The following INPP5J variants were observed in gnomAD, a reference collection of about 807,000 sequenced individuals.
INPP5J encodes phosphatidylinositol 4,5-bisphosphate 5-phosphatase A.
INPP5J carries 75 observed loss-of-function variants against 86.6 expected under a neutral mutation model. That is an observed-to-expected ratio of 0.87 (90% CI 0.72 to 1.05). INPP5J has a LOEUF of 1.05. Ranked by LOEUF, INPP5J falls within the 50% of genes least tolerant of loss-of-function variation. INPP5J has a pLI of 0.00. For missense variants in INPP5J, 1,229 were observed against 1,341.2 expected (o/e 0.92, Z 1.31); for synonymous variants, 540 against 550.0 (o/e 0.98, Z 0.25).
In INPP5J at chr22:31,133,243, G is replaced by T; in HGVS notation, c.2331+8G>T. The T allele has an allele frequency of 6.2e-7, 1 of 1,605,800 alleles. No homozygotes were observed. ...TGGATCGGCTTATACCGGGTGAGAGGGGCAGTGGTGGTCAGCGACTCAGGG... is the reference window on the plus strand; with the variant it reads ...TGGATCGGCTTATACCGGGTGAGAGTGGCAGTGGTGGTCAGCGACTCAGGG... On this transcript the variant is annotated splice_region_variant and intron_variant, in intron 10 of 12. Transcript: ENST00000331075.
chr22:31,124,761 T>A (rs758492857), intron 1 of INPP5J, 84 bp from the exon 2 acceptor site: 8 of 1,184,366 alleles, frequency 6.8e-6, no homozygotes, highest in South Asian at 6.1e-5. Context: ...CTTAGCTAGA[T>A]GAACTCTGCC....
At chr22:31,126,250 G>A (rs111948387) in intron 2 of INPP5J, 126 bp from the exon 3 acceptor site, 50 of 875,294 alleles carry the variant, frequency 5.7e-5, no homozygotes, top group African/African-American at 3.3e-4. Context: ...GGGGCCTCCT[G>A]TGGGTCCTTC....
At position 31,125,906 on chromosome 22, in the gene INPP5J, G is replaced by C. The variant is rs775916142; in HGVS notation, c.1167G>C (p.Gln389His). ...GCAGGTGCCTGAGCCCCAACCTTCA[G>C]GCCCAAGAAGCCCCAGCCCCAGTCA... is the stretch of plus-strand genomic sequence containing the variant. ...GPGRCLSPNL[Q>H]AQEAPAPVTT... The change falls in exon 2 of 13, where the codon CAG (glutamine) becomes CAC (histidine). Residue 389 changes from glutamine (Q) to histidine (H), a missense_variant. By Grantham distance (24) the Gln-to-His change is conservative (BLOSUM62 0). Coordinates refer to ENST00000331075, the MANE Select transcript of INPP5J (RefSeq NM_001284285.2). 1 of 1,613,194 alleles carries C rather than the reference G, an allele frequency of 6.2e-7. No homozygotes were observed. The highest frequency in any genetic ancestry group is 1.1e-5 in the South Asian group (1 of 90,962).
In INPP5J at chr22:31,133,178, G is replaced by C. The variant is rs756147957; in HGVS notation, c.2274G>C (p.Arg758Ser). The change falls in exon 10 of 13, where the codon AGG becomes AGC. Residue 758 changes from arginine to serine, a missense_variant. By Grantham distance (110) the Arg-to-Ser change is moderately radical. Transcript: ENST00000331075. Reference sequence around the variant, plus strand: ...TGCGGCCCGAGCAGGCGGTGGTGAGGTACCGCATGGAAACAGTGTTCGCCC... The same window carrying C: ...TGCGGCCCGAGCAGGCGGTGGTGAGCTACCGCATGGAAACAGTGTTCGCCC... The part of the protein sequence containing the change: ...EWVRPEQAVV[R>S]YRMETVFARS... 3 of 1,593,872 alleles carry C rather than the reference G, an allele frequency of 1.9e-6. No individual in the cohort carries two copies. In the Admixed American group the frequency reaches 5.3e-5, roughly 28 times the overall value.
chr22:31,130,587 T>C (rs926975213), intron 9 of INPP5J, among the ~76,000 whole-genome samples: 1 of 151,878 alleles, frequency 6.6e-6, no homozygotes, highest in African/African-American at 2.4e-5. Context: ...AGAAAAGATA[T>C]AAAAATTCAC....
chr22:31,125,079 CT>C lies in INPP5J; in HGVS notation c.341del (p.Leu114ArgfsTer2). 6.5e-7 allele frequency: 1 copy of C among 1,549,662 alleles called. No individual in the cohort carries two copies. Among genetic ancestry groups the C allele is most frequent in the Non-Finnish European group, 8.7e-7 (1 of 1,146,996 alleles). ...CCTGGCCCCAACATCTGTGGGCCAG[CT>C]GGTGATGTCTGCCTCAGCTGGACCA... ...SSLAPTSVGQ[L>X]VMSASAGPKP... On this transcript the variant is annotated frameshift_variant, in exon 2 of 13. Transcript: ENST00000331075. LOFTEE classifies it high-confidence loss of function.
Position 31,125,241 on chromosome 22 carries a change from C to T in INPP5J, c.502C>T (p.Gln168Ter). 2 of 1,550,540 alleles carry T rather than the reference C, an allele frequency of 1.3e-6. No homozygotes were observed. Among genetic ancestry groups the T allele is most frequent in the Non-Finnish European group, 1.7e-6 (2 of 1,146,972 alleles). Reference protein sequence around the residue: ...NLAPTSRDQKQEPPASVGPKP... With the variant: ...NLAPTSRDQK ...GGCCCCAACCTCCAGAGACCAGAAG[C>T]AGGAGCCACCTGCCTCCGTGGGACC... Residue 168 changes from glutamine to a stop codon, truncating the protein, a stop_gained, in exon 2 of 13, where the codon CAG becomes TAG. Coordinates refer to ENST00000331075, the MANE Select transcript of INPP5J (RefSeq NM_001284285.2). LOFTEE classifies it high-confidence loss of function.
In INPP5J at chr22:31,126,022, C is replaced by A; in HGVS notation, c.1271+12C>A. 1 of 1,547,798 alleles carries A rather than the reference C, an allele frequency of 6.5e-7. No homozygotes were observed. Among genetic ancestry groups the A allele is most frequent in the Non-Finnish European group, 8.7e-7 (1 of 1,147,384 alleles). ...GACCCCGGCTTCCGGTGAGGGGGCC[C>A]TCTCCCAAGAAAGGTGGCTGGGGCT... On this transcript the variant is annotated intron_variant, in intron 2 of 12. Transcript: ENST00000331075.
rs1445157469 is a variant in INPP5J at position 31,133,988 on chromosome 22, A to C, written c.2590A>C (p.Ser864Arg). 6.2e-7 allele frequency: 1 copy of C among 1,612,924 alleles called. No individual in the cohort carries two copies. Among genetic ancestry groups the C allele is most frequent in the South Asian group, 1.1e-5 (1 of 90,938 alleles). The part of the protein sequence containing the change: ...SGTSSEGEDD[S>R]TLELLAPKSR... Reference sequence around the variant, plus strand: ...CACCAGCTCAGAGGGAGAGGATGACAGCACACTGGAGCTCCTTGCACCCAA... The same window carrying C: ...CACCAGCTCAGAGGGAGAGGATGACCGCACACTGGAGCTCCTTGCACCCAA... Residue 864 changes from serine (S) to arginine (R), a missense_variant, in exon 13 of 13, where the codon AGC (serine) becomes CGC (arginine). Coordinates refer to ENST00000331075, the MANE Select transcript of INPP5J (RefSeq NM_001284285.2).
At position 31,133,613 on chromosome 22, in the gene INPP5J, A is replaced by G. The variant is rs1371929030; in HGVS notation, c.2413A>G (p.Thr805Ala). ...CTTATACCCCTGGGCCTACCAGGTA[A>G]CATTCAGTGAGGAATCACTGCCCAA... ...EDVDGNTYQV[T>A]FSEESLPKGH... Residue 805 changes from threonine to alanine, a missense_variant, in exon 12 of 13, where the codon ACA becomes GCA. Transcript: ENST00000331075. The G allele has an allele frequency of 1.2e-6, 2 of 1,610,206 alleles. No individual in the cohort carries two copies. The highest frequency in any genetic ancestry group is 2.7e-5 in the African/African-American group (2 of 74,812).
chr22:31,133,304 G>T (rs1332096789), intron 10 of INPP5J, 69 bp downstream of exon 10: 3 of 1,601,324 alleles, frequency 1.9e-6, no homozygotes, highest in Non-Finnish European at 2.6e-6. Flanking sequence ...GAACAGCATG[G>T]TGGGGTCACT....
intron 9 of INPP5J, among the ~76,000 whole-genome samples, chr22:31,129,080 C>T (rs1311044185): frequency 2.6e-5 from 4 of 151,084 alleles, no homozygotes; most frequent in Non-Finnish European, 4.4e-5. Context: ...TTACATCACC[C>T]GCCACCACGC....
chr22:31,133,685 A>G lies in INPP5J; in HGVS notation c.2485A>G (p.Ile829Val). Residue 829 changes from isoleucine (I) to valine (V), a missense_variant, in exon 12 of 13, where the codon ATC (isoleucine) becomes GTC (valine). Physicochemically the swap from Ile to Val is conservative, Grantham distance 29. Coordinates refer to ENST00000331075, the MANE Select transcript of INPP5J (RefSeq NM_001284285.2). ...GGGCTACTATAGTCACAACCACAGC[A>G]TCCTCATCGGCATCACTGAACCCTT... Reference protein sequence around the residue: ...ILGYYSHNHSILIGITEPFQI... With the variant: ...ILGYYSHNHSVLIGITEPFQI... The G allele has an allele frequency of 6.2e-7, 1 of 1,613,190 alleles. No individual in the cohort carries two copies. The highest frequency in any genetic ancestry group is 1.7e-4 in the Middle Eastern group (1 of 6,060).
rs138725306 is a variant in INPP5J, at chr22:31,127,555, A to T, written c.1787+23A>T. The T allele has an allele frequency of 8.5e-3, 13,651 of 1,601,840 alleles. 84 individuals are homozygous for T. The highest frequency in any genetic ancestry group is 9.9e-3 in the Non-Finnish European group (11,561 of 1,173,194). ...TGAGTATGGGCTGGGGTGGGGCCAA[A>T]TAGAGCTTGGGTGGGGCTAGTGATG... On this transcript the variant is annotated intron_variant, in intron 6 of 12. Coordinates refer to ENST00000331075, the MANE Select transcript of INPP5J (RefSeq NM_001284285.2).
In INPP5J at chr22:31,128,051, G is replaced by A; in HGVS notation, c.1888G>A (p.Glu630Lys). 1 of 1,611,678 alleles carries A rather than the reference G, an allele frequency of 6.2e-7. No homozygotes were observed. The highest frequency in any genetic ancestry group is 1.3e-5 in the African/African-American group (1 of 74,978). The change falls in exon 7 of 13, where the codon GAG becomes AAG. Residue 630 changes from glutamate (E) to lysine (K), a missense_variant. Transcript: ENST00000331075. ...IDSDQLHQLW[E>K]KDQLNMAKNT... The stretch of plus-strand genomic sequence containing the variant: ...CAGTGACCAGCTCCATCAGCTCTGG[G>A]AGAAGGACCAGGTGGGGTCCTTGTC...
chr22:31,124,221 C>A, intron 1 of INPP5J: 1 of 983,460 alleles, frequency 1.0e-6, no homozygotes, highest in Non-Finnish European at 1.2e-6. Context: ...CACAGCCAGT[C>A]TCAGCTCCCA....
chr22:31,128,333 G>T lies in INPP5J; in HGVS notation c.2009+10G>T, dbSNP rs1413130626. On this transcript the variant is annotated intron_variant, in intron 8 of 12. Coordinates refer to ENST00000331075, the MANE Select transcript of INPP5J (RefSeq NM_001284285.2). ...ACAAATACGATACCAGGTGAGCTCA[G>T]TCCGAGGAGGGACTGAGGGGAAGTG... is the stretch of plus-strand genomic sequence containing the variant. The T allele has an allele frequency of 6.3e-7, 1 of 1,582,786 alleles. No individual in the cohort carries two copies. Among genetic ancestry groups the T allele is most frequent in the Non-Finnish European group, 8.6e-7 (1 of 1,162,784 alleles).
chr22:31,125,806 C>G lies in INPP5J; in HGVS notation c.1067C>G (p.Pro356Arg). 6.3e-7 allele frequency: 1 copy of G among 1,590,198 alleles called. No homozygotes were observed. Among genetic ancestry groups the G allele is most frequent in the East Asian group, 2.3e-5 (1 of 43,352 alleles). The change falls in exon 2 of 13, where the codon CCG becomes CGG. Residue 356 changes from proline to arginine, a missense_variant. Transcript: ENST00000331075. ...RSPSRSPSHS[P>R]NRSPCVPPAP... ...CCCAGCCGTTCCCCAAGCCACTCCC[C>G]GAATCGCTCTCCCTGTGTTCCCCCA...
At chr22:31,126,578 C>T in intron 3 of INPP5J, 35 bp from the exon 4 acceptor site, 1 of 1,605,002 alleles carries the variant, frequency 6.2e-7, no homozygotes, top group Non-Finnish European at 8.5e-7. Context: ...GGGCACCTCT[C>T]CAATCCCATG....
Sources: gnomAD v4.1 joint callset for allele counts (sites outside exome capture counted in the v4.1 genomes callset) on GRCh38, gnomAD v4.1.1 for gene constraint, MANE v1.5 for transcripts, NCBI Gene and HGNC (gene_info 2026-07-23, HGNC 2026-07-21) for gene names.